The following TNIK variants were observed in gnomAD, a reference collection of about 807,000 sequenced individuals.
The protein encoded by TNIK is TRAF2 and NCK interacting kinase.
In TNIK, 49 loss-of-function variants were observed where a neutral mutation model predicts 191.3. The ratio of observed to expected loss-of-function variants is 0.26; its 90% CI spans 0.20 to 0.32. The LOEUF (loss-of-function observed/expected upper bound fraction) is 0.32, where lower values mean the gene tolerates loss of function less well. TNIK is among the 10% of genes least tolerant of loss of function. The pLI is 1.00. For missense variants in TNIK, 1,155 were observed against 1,702.3 expected (o/e 0.68, Z 5.66); for synonymous variants, 594 against 600.9 (o/e 0.99, Z 0.17).
chr3:171,194,985 T>G (rs552571996), intron 4 of TNIK, among the ~76,000 whole-genome samples: 1 of 152,266 alleles, frequency 6.6e-6, no homozygotes, highest in East Asian at 1.9e-4. Context: ...AGTAGGATTA[T>G]TCCCCTATCA....
At chr3:171,238,820 C>T (rs73043080) in intron 2 of TNIK, among the ~76,000 whole-genome samples, 5,232 of 152,264 alleles carry the variant, frequency 0.034, 294 homozygotes, top group African/African-American at 0.12. Flanking sequence ...GCACAGCAGA[C>T]GACGAATTGT....
intron 2 of TNIK, among the ~76,000 whole-genome samples, chr3:171,314,809 G>A (rs1754426012): frequency 6.6e-6 from 1 of 152,106 alleles, no homozygotes; most frequent in Non-Finnish European, 1.5e-5. Context: ...CTAGAGTGAG[G>A]AGAAGGATTC....
chr3:171,111,043 CA>C (rs1725776120), intron 18 of TNIK, among the ~76,000 whole-genome samples, 166 bp from the exon 19 acceptor site: 1 of 152,140 alleles, frequency 6.6e-6, no homozygotes, highest in Non-Finnish European at 1.5e-5. Flanking sequence ...CCTGAATAGA[CA>C]TTTCTTAAAA....
intron 1 of TNIK, among the ~76,000 whole-genome samples, chr3:171,400,249 G>A (rs1720750011): frequency 6.6e-6 from 1 of 152,086 alleles, no homozygotes; most frequent in African/African-American, 2.4e-5. Flanking sequence ...TTCCCCTGGT[G>A]TTCTCATTTT....
At chr3:171,294,292 A>G (rs1577379980) in intron 2 of TNIK, among the ~76,000 whole-genome samples, 4 of 151,986 alleles carry the variant, frequency 2.6e-5, no homozygotes. Context: ...GCATGATGGC[A>G]TATGCCTGTA....
chr3:171,127,552 T>C (rs1728661521), intron 16 of TNIK, among the ~76,000 whole-genome samples: 1 of 152,170 alleles, frequency 6.6e-6, no homozygotes, highest in African/African-American at 2.4e-5. Flanking sequence ...ATCAAGTACA[T>C]TTTCCCTCTC....
At chr3:171,140,361 C>T (rs369380625) in intron 13 of TNIK, 38 bp downstream of exon 13, 30 of 1,500,676 alleles carry the variant, frequency 2.0e-5, no homozygotes, top group Middle Eastern at 1.8e-4. Context: ...CTGGGGTCCC[C>T]GGGGGGCCAT....
chr3:171,399,331 C>G (rs1241363096), intron 1 of TNIK, among the ~76,000 whole-genome samples: 1 of 152,184 alleles, frequency 6.6e-6, no homozygotes, highest in African/African-American at 2.4e-5. Flanking sequence ...GGCAAATTCC[C>G]TTGGACCCTG....
chr3:171,147,342 C>T (rs1486144496), intron 12 of TNIK, among the ~76,000 whole-genome samples: 1 of 152,138 alleles, frequency 6.6e-6, no homozygotes, highest in Admixed American at 6.5e-5. Flanking sequence ...TCACACATGC[C>T]CCCTCACTTT....
At chr3:171,330,753 A>G (rs931988922) in intron 2 of TNIK, among the ~76,000 whole-genome samples, 3 of 152,088 alleles carry the variant, frequency 2.0e-5, no homozygotes, top group African/African-American at 7.2e-5. Flanking sequence ...AATGAGAACC[A>G]CTACTCTGCC....
intron 2 of TNIK, among the ~76,000 whole-genome samples, chr3:171,232,269 G>A (rs901133168): frequency 3.3e-5 from 5 of 151,836 alleles, no homozygotes; most frequent in African/African-American, 1.2e-4. Flanking sequence ...AGGATGGCTT[G>A]ACTCCAGGAG....
chr3:171,310,454 A>G (rs560868379), intron 2 of TNIK, among the ~76,000 whole-genome samples: 1 of 152,292 alleles, frequency 6.6e-6, no homozygotes, highest in East Asian at 1.9e-4. Context: ...TGATAACCAA[A>G]TCAATTAATG....
At chr3:171,321,846 C>T (rs537852755) in intron 2 of TNIK, among the ~76,000 whole-genome samples, 2 of 152,298 alleles carry the variant, frequency 1.3e-5, no homozygotes, top group African/African-American at 4.8e-5. Context: ...TTCAATTTTA[C>T]CTGTTTCACT....
intron 2 of TNIK, among the ~76,000 whole-genome samples, chr3:171,319,579 C>T (rs905194554): frequency 5.3e-5 from 8 of 152,022 alleles, no homozygotes; most frequent in Non-Finnish European, 1.2e-4. Context: ...GTTAGTTGAC[C>T]GGGTAACTGG....
intron 2 of TNIK, among the ~76,000 whole-genome samples, chr3:171,357,494 G>T (rs978408419): frequency 7.9e-5 from 12 of 151,230 alleles, no homozygotes; most frequent in East Asian, 1.9e-4. Flanking sequence ...TTGCCATTTT[G>T]GCCAGGCTGG....
At position 171,125,894 on chromosome 3, in the gene TNIK, C is replaced by T. The variant is rs1728401470; in HGVS notation, c.2013+18G>A. 8.1e-6 allele frequency: 13 copies of T among 1,612,726 alleles called. No homozygotes were observed. The highest frequency in any genetic ancestry group is 1.0e-5 in the Non-Finnish European group (12 of 1,179,508). On this transcript the variant is annotated intron_variant, in intron 17 of 32. Transcript: ENST00000436636. ...CAGTGATGCTGGTGATTAAAAAAAA[C>T]ACCCCAGTAAATATTACCTTTGGTG...
At chr3:171,202,440 T>G (rs1391457281) in intron 4 of TNIK, among the ~76,000 whole-genome samples, 2 of 152,194 alleles carry the variant, frequency 1.3e-5, no homozygotes, top group African/African-American at 2.4e-5. Context: ...TCATCTTGAT[T>G]GCTGAAGATT....
rs970326592 is a variant in TNIK at position 171,376,794 on chromosome 3, G to A, written c.58-7109C>T. ...TAGATAGATAGATAGATAGATAGAT[G>A]AGAGAGATATGGCTATAGGTAGGTA... is the stretch of plus-strand genomic sequence containing the variant. On this transcript the variant is annotated intron_variant, in intron 1 of 32. Transcript: ENST00000436636. Among the ~76,000 whole-genome samples the A allele has an allele frequency of 3.1e-4, 44 of 141,144 alleles. 1 individual carries two copies. Among genetic ancestry groups the A allele is most frequent in the African/African-American group, 7.1e-4 (24 of 33,794 alleles). 92.6% of individuals were successfully genotyped at this position (141,144 alleles called of 152,430 possible).
At chr3:171,191,198 AGG>A (rs1738023518) in intron 5 of TNIK, among the ~76,000 whole-genome samples, 1 of 152,244 alleles carries the variant, frequency 6.6e-6, no homozygotes, top group Non-Finnish European at 1.5e-5. Flanking sequence ...GAATCCCTGC[AGG>A]ATATTTGAAT....
Sources: allele counts gnomAD v4.1 joint callset (sites outside exome capture counted in the v4.1 genomes callset), GRCh38; gene constraint gnomAD v4.1.1; transcripts MANE v1.5; gene names NCBI Gene and HGNC (gene_info 2026-07-23, HGNC 2026-07-21).